NAALADL2: variants seen among roughly 807,000 people sequenced by gnomAD.
The protein encoded by NAALADL2 is inactive N-acetylated-alpha-linked acidic dipeptidase-like protein 2.
NAALADL2 carries 76 observed loss-of-function variants against 87.2 expected under a neutral mutation model. That is an observed-to-expected ratio of 0.87 (90% CI 0.72 to 1.05). The LOEUF (loss-of-function observed/expected upper bound fraction) is 1.05, where lower values mean the gene tolerates loss of function less well. NAALADL2 is among the 50% of genes least tolerant of loss of function. The probability of loss-of-function intolerance (pLI) is 0.00; values close to 1 mark genes in which losing one functional copy is unlikely to be tolerated. For synonymous variants in NAALADL2, 354 were observed against 331.0 expected (o/e 1.07, Z -0.75); for missense variants, 1,089 against 945.8 (o/e 1.15, Z -1.99).
intron 5 of NAALADL2, among the ~76,000 whole-genome samples, chr3:175,345,475 T>C (rs149244512): frequency 2.2e-4 from 33 of 152,252 alleles, no homozygotes; most frequent in Admixed American, 2.6e-4. Context: ...TACCACTTCT[T>C]AGAGAATGAG....
At chr3:174,736,745 CT>C (rs775382492) in intron 2 of NAALADL2, among the ~76,000 whole-genome samples, 1 of 152,148 alleles carries the variant, frequency 6.6e-6, no homozygotes, top group Non-Finnish European at 1.5e-5. Context: ...GCCATCCTGG[CT>C]TGAAGGTGCA....
At chr3:175,341,653 A>G (rs1010198284) in intron 5 of NAALADL2, among the ~76,000 whole-genome samples, 4 of 152,058 alleles carry the variant, frequency 2.6e-5, no homozygotes, top group Non-Finnish European at 5.9e-5. Flanking sequence ...CAAGTTTTCT[A>G]TATCCTTTCT....
At chr3:175,135,187 G>C (rs1286604533) in intron 2 of NAALADL2, among the ~76,000 whole-genome samples, 4 of 152,120 alleles carry the variant, frequency 2.6e-5, no homozygotes, top group Non-Finnish European at 5.9e-5. Context: ...CTAGAGTACA[G>C]ATTTCTCCAC....
At chr3:174,644,541 T>C (rs1442093152) in intron 2 of NAALADL2, among the ~76,000 whole-genome samples, 2 of 151,832 alleles carry the variant, frequency 1.3e-5, no homozygotes, top group African/African-American at 4.8e-5. Context: ...CCATGTAGTT[T>C]AAACCCATGC....
At chr3:174,880,032 C>T (rs917864875) in intron 1 of NAALADL2, among the ~76,000 whole-genome samples, 1 of 151,912 alleles carries the variant, frequency 6.6e-6, no homozygotes, top group Non-Finnish European at 1.5e-5. Flanking sequence ...GCTGTTTTAC[C>T]CTGTTATACC....
chr3:175,322,967 A>AC (rs938805292), intron 4 of NAALADL2, among the ~76,000 whole-genome samples: 6 of 151,812 alleles, frequency 4.0e-5, no homozygotes, highest in African/African-American at 1.2e-4. Context: ...ATACCATTTG[A>AC]CCCAGCCATC....
At chr3:175,165,930 C>A (rs755531390) in intron 2 of NAALADL2, among the ~76,000 whole-genome samples, 69 of 152,010 alleles carry the variant, frequency 4.5e-4, no homozygotes, top group Non-Finnish European at 9.4e-4. Context: ...TGTTTACTCT[C>A]CTCTCAGGAA....
intron 5 of NAALADL2, among the ~76,000 whole-genome samples, chr3:175,398,348 T>TGTTTTG (rs1553883992): frequency 1.2e-5 from 1 of 81,680 alleles, no homozygotes; most frequent in African/African-American, 3.2e-5. Context: ...CTGCTACTTT[T>TGTTTTG]TTTTTTTTTT....
intron 1 of NAALADL2, among the ~76,000 whole-genome samples, chr3:175,053,824 G>T (rs1488257510): frequency 6.6e-6 from 1 of 152,184 alleles, no homozygotes; most frequent in Non-Finnish European, 1.5e-5. Context: ...AGGTAATGCT[G>T]TATCTGCATT....
At chr3:175,677,374 A>G (rs1487180212) in intron 11 of NAALADL2, among the ~76,000 whole-genome samples, 1 of 152,028 alleles carries the variant, frequency 6.6e-6, no homozygotes, top group Admixed American at 6.6e-5. Context: ...AAAAAAATAA[A>G]TAAAAATAAC....
intron 2 of NAALADL2, among the ~76,000 whole-genome samples, chr3:175,208,295 CG>C (rs369343129): frequency 1.7e-4 from 26 of 152,186 alleles, no homozygotes; most frequent in African/African-American, 6.0e-4. Flanking sequence ...AAAGTCTATT[CG>C]GAATACTCGT....
At chr3:175,250,195 A>G (rs1748789645) in intron 3 of NAALADL2, among the ~76,000 whole-genome samples, 1 of 149,600 alleles carries the variant, frequency 6.7e-6, no homozygotes, top group East Asian at 2.0e-4. Flanking sequence ...AAGAGCGATT[A>G]GTATTCTTAT....
intron 1 of NAALADL2, among the ~76,000 whole-genome samples, chr3:174,907,012 A>G (rs958050198): frequency 2.0e-5 from 3 of 152,072 alleles, no homozygotes; most frequent in African/African-American, 4.8e-5. Context: ...ATAGTAAAAA[A>G]TTTCACAGAT....
chr3:175,500,195 C>T (rs776974872), intron 9 of NAALADL2, among the ~76,000 whole-genome samples: 1 of 152,034 alleles, frequency 6.6e-6, no homozygotes, highest in Non-Finnish European at 1.5e-5. Context: ...ATACATAACT[C>T]TAATGCAAGG....
intron 9 of NAALADL2, among the ~76,000 whole-genome samples, chr3:175,505,303 T>C (rs1730155178): frequency 6.7e-6 from 1 of 150,042 alleles, no homozygotes; most frequent in African/African-American, 2.4e-5. Flanking sequence ...AAGACAGAGA[T>C]GTCAGATCAC....
chr3:174,571,264 C>A (rs1314935792), intron 2 of NAALADL2, among the ~76,000 whole-genome samples: 1 of 152,026 alleles, frequency 6.6e-6, no homozygotes, highest in African/African-American at 2.4e-5. Flanking sequence ...AACTAAAAAA[C>A]AGAAAAATCT....
chr3:174,698,809 A>G (rs1165978562), intron 2 of NAALADL2, among the ~76,000 whole-genome samples: 1 of 101,178 alleles, frequency 9.9e-6, no homozygotes, highest in Non-Finnish European at 1.7e-5. Context: ...GCTTGCAGTG[A>G]GCCGAGATCC....
At chr3:174,642,550 A>G (rs9861351) in intron 2 of NAALADL2, among the ~76,000 whole-genome samples, 6,539 of 149,126 alleles carry the variant, frequency 0.044, 518 homozygotes, top group African/African-American at 0.15. Context: ...CAGGGTATCT[A>G]TCCCACAATC....
Position 175,285,335 on chromosome 3 carries a change from A to G in NAALADL2, c.939+28805A>G, listed in dbSNP as rs145289676. On this transcript the variant is annotated intron_variant, in intron 4 of 13. Coordinates refer to ENST00000454872, the MANE Select transcript of NAALADL2 (RefSeq NM_207015.3). ...TTGCACAGAATACTTCATAATAGAAAAATCTCATCTTCTTAGTCTATTTTG... is the reference window on the plus strand; with the variant it reads ...TTGCACAGAATACTTCATAATAGAAGAATCTCATCTTCTTAGTCTATTTTG... Among the ~76,000 whole-genome samples the G allele has an allele frequency of 1.0e-3, 156 of 152,302 alleles. 1 individual carries two copies. Among genetic ancestry groups the G allele is most frequent in the African/African-American group, 3.6e-3 (149 of 41,574 alleles).
Sources: gnomAD v4.1 joint callset for allele counts (sites outside exome capture counted in the v4.1 genomes callset) on GRCh38, gnomAD v4.1.1 for gene constraint, MANE v1.5 for transcripts, NCBI Gene and HGNC (gene_info 2026-07-23, HGNC 2026-07-21) for gene names.